The following PTPRT variants were observed in gnomAD, a reference collection of about 807,000 sequenced individuals.
PTPRT encodes receptor-type tyrosine-protein phosphatase T.
Under a neutral mutation model 176.8 loss-of-function variants are expected in PTPRT, and 56 were observed. That is an observed-to-expected ratio of 0.32 (90% CI 0.26 to 0.40). The LOEUF (loss-of-function observed/expected upper bound fraction) is 0.40, where lower values mean the gene tolerates loss of function less well. PTPRT is among the 10% of genes least tolerant of loss of function. The pLI is 1.00. For missense variants in PTPRT, 1,540 were observed against 1,908.2 expected (o/e 0.81, Z 3.60); for synonymous variants, 783 against 739.0 (o/e 1.06, Z -0.96).
chr20:43,090,039 G>C (rs753826708), intron 1 of PTPRT, among the ~76,000 whole-genome samples: 3 of 151,262 alleles, frequency 2.0e-5, no homozygotes, highest in Non-Finnish European at 3.0e-5. Context: ...AAACTACTCA[G>C]CAATCTGTGC....
intron 9 of PTPRT, among the ~76,000 whole-genome samples, chr20:42,401,334 A>G (rs2058905272): frequency 6.6e-6 from 1 of 152,004 alleles, no homozygotes; most frequent in African/African-American, 2.4e-5. Flanking sequence ...CCAACTCAAG[A>G]CAATGTTTAA....
chr20:42,907,316 G>C (rs1396832363), intron 1 of PTPRT, among the ~76,000 whole-genome samples: 1 of 152,120 alleles, frequency 6.6e-6, no homozygotes, highest in East Asian at 1.9e-4. Flanking sequence ...ATCGGATTAG[G>C]AGACAGATCC....
At chr20:43,103,769 T>TAATAAC (rs1009959256) in intron 1 of PTPRT, among the ~76,000 whole-genome samples, 1 of 150,330 alleles carries the variant, frequency 6.7e-6, no homozygotes, top group Admixed American at 6.6e-5. Context: ...ATAATAATAA[T>TAATAAC]AATAATAACT....
At chr20:42,065,334 T>G in the PTPRT span, among the ~76,000 whole-genome samples, 20 of 152,258 alleles carry the variant, frequency 1.3e-4, no homozygotes, top group African/African-American at 4.8e-4. Context: ...AATACTAAAT[T>G]ACAGCAAGGA....
intron 7 of PTPRT, among the ~76,000 whole-genome samples, chr20:42,676,326 T>C (rs2075501387): frequency 6.6e-6 from 1 of 152,170 alleles, no homozygotes. Flanking sequence ...TAACTTGACA[T>C]AGTGTGGTGA....
At chr20:42,977,997 T>C (rs969685079) in intron 1 of PTPRT, among the ~76,000 whole-genome samples, 1 of 152,094 alleles carries the variant, frequency 6.6e-6, no homozygotes, top group Admixed American at 6.5e-5. Flanking sequence ...TTATACATAC[T>C]ACATTTTGTC....
chr20:42,277,593 G>T (rs528130123), intron 13 of PTPRT, among the ~76,000 whole-genome samples: 174 of 152,300 alleles, frequency 1.1e-3, no homozygotes, highest in Non-Finnish European at 1.6e-3. Flanking sequence ...TTCAAGGACT[G>T]ATGGGCAGAA....
chr20:42,259,301 T>C (rs2056704384), intron 13 of PTPRT, among the ~76,000 whole-genome samples: 1 of 152,234 alleles, frequency 6.6e-6, no homozygotes, highest in East Asian at 1.9e-4. Context: ...GAAAACTCCT[T>C]TATTCTATTA....
chr20:43,008,164 A>T (rs1984945574), intron 1 of PTPRT, among the ~76,000 whole-genome samples: 1 of 152,220 alleles, frequency 6.6e-6, no homozygotes. Flanking sequence ...CCCACGAGGT[A>T]AGAGTATTAG....
chr20:42,148,144 T>C (rs1988955504), intron 17 of PTPRT, among the ~76,000 whole-genome samples: 1 of 152,086 alleles, frequency 6.6e-6, no homozygotes, highest in Admixed American at 6.5e-5. Flanking sequence ...ATTATCAATC[T>C]CCGCTTTCCT....
chr20:42,713,000 T>C (rs1569104532), intron 6 of PTPRT, among the ~76,000 whole-genome samples: 2 of 152,046 alleles, frequency 1.3e-5, no homozygotes, highest in Non-Finnish European at 2.9e-5. Context: ...CCAAGATACA[T>C]TAAGTGGAAA....
chr20:42,283,732 T>C (rs2057179268), intron 12 of PTPRT, among the ~76,000 whole-genome samples: 1 of 152,130 alleles, frequency 6.6e-6, no homozygotes, highest in Non-Finnish European at 1.5e-5. Flanking sequence ...TTCACTTCTA[T>C]GCGTGCTTTA....
rs756801035 is a variant in PTPRT, at chr20:42,448,287, A to G, written c.1493T>C (p.Phe498Ser). 4 of 1,613,428 alleles carry G rather than the reference A, an allele frequency of 2.5e-6. No homozygotes were observed. The highest frequency in any genetic ancestry group is 3.4e-6 in the Non-Finnish European group (4 of 1,179,536). ...VPLESIQGGP[F>S]EEKIYIQWKP... is the part of the protein sequence containing the mutation. ...CCACTGGATGTAGATCTTCTCCTCA[A>G]AGGGCCCCCCTTGGATGGATTCTAG... Residue 498 changes from phenylalanine (F) to serine (S), a missense_variant, in exon 9 of 31, where the codon TTT becomes TCT. Physicochemically the swap from Phe to Ser is radical, Grantham distance 155. Around this residue, in one of 11 missense-constraint regions of PTPRT, gnomAD observed 136 missense variants for 135.0 expected, o/e 1.01. Coordinates refer to ENST00000373187, the MANE Select transcript of PTPRT (RefSeq NM_007050.6).
intron 6 of PTPRT, among the ~76,000 whole-genome samples, chr20:42,683,807 A>T (rs987606028): frequency 2.0e-5 from 3 of 152,190 alleles, no homozygotes; most frequent in African/African-American, 7.2e-5. Context: ...CACTAGCCAG[A>T]TGTGTGACTC....
At chr20:42,468,455 A>T (rs2071137260) in intron 8 of PTPRT, among the ~76,000 whole-genome samples, 1 of 152,248 alleles carries the variant, frequency 6.6e-6, no homozygotes, top group African/African-American at 2.4e-5. Flanking sequence ...GTTTTGAGGC[A>T]GAGCCTCAGA....
intron 6 of PTPRT, among the ~76,000 whole-genome samples, chr20:42,718,319 C>T (rs1158870378): frequency 2.0e-5 from 3 of 152,244 alleles, no homozygotes; most frequent in African/African-American, 7.2e-5. Flanking sequence ...GGGTGGATCA[C>T]GAGGTCAGGG....
chr20:42,056,789 G>T, the PTPRT span, among the ~76,000 whole-genome samples: 1 of 152,194 alleles, frequency 6.6e-6, no homozygotes, highest in Non-Finnish European at 1.5e-5. Context: ...TGAACAATAA[G>T]CATAATCTGG....
At chr20:42,315,310 A>T (rs1309687732) in intron 12 of PTPRT, among the ~76,000 whole-genome samples, 1 of 151,958 alleles carries the variant, frequency 6.6e-6, no homozygotes, top group Admixed American at 6.6e-5. Context: ...CTAAACCATG[A>T]TTAGTGCATT....
intron 14 of PTPRT, among the ~76,000 whole-genome samples, chr20:42,245,779 T>C (rs1335990381): frequency 1.3e-5 from 2 of 152,126 alleles, no homozygotes; most frequent in African/African-American, 4.8e-5. Flanking sequence ...GGACATCTTA[T>C]GTTTCTGGAA....
Sources: allele counts gnomAD v4.1 joint callset (sites outside exome capture counted in the v4.1 genomes callset), GRCh38; gene constraint gnomAD v4.1.1; regional missense constraint gnomAD v4.1.1; transcripts MANE v1.5; gene names NCBI Gene and HGNC (gene_info 2026-07-23, HGNC 2026-07-21).